Variants in FBXO28 observed in about 807,000 individuals in gnomAD.
The protein encoded by FBXO28 is F-box protein 28.
FBXO28 carries 8 observed loss-of-function variants against 38.1 expected under a neutral mutation model. The observed-to-expected ratio is 0.21, with a 90% CI of 0.12 to 0.38. The LOEUF is 0.38. FBXO28 is among the 10% of genes least tolerant of loss of function. FBXO28 has a pLI of 1.00. For missense variants in FBXO28, 345 were observed against 460.6 expected (o/e 0.75, Z 2.30); for synonymous variants, 168 against 173.8 (o/e 0.97, Z 0.26).
intron 2 of FBXO28, chr1:224,130,876 G>A (rs2102616925): frequency 4.4e-6 from 1 of 228,562 alleles, no homozygotes; most frequent in Non-Finnish European, 8.6e-6. Context: ...GATAAGGAGT[G>A]CACTAATTGA....
At chr1:224,150,296 G>T (rs1016776482) in intron 3 of FBXO28, among the ~76,000 whole-genome samples, 8 of 152,218 alleles carry the variant, frequency 5.3e-5, no homozygotes, top group African/African-American at 1.7e-4. Context: ...TTCCAGCCTG[G>T]GCAACAAGAG....
At chr1:224,151,931 A>G (rs1657657200) in intron 3 of FBXO28, among the ~76,000 whole-genome samples, 1 of 152,020 alleles carries the variant, frequency 6.6e-6, no homozygotes, top group African/African-American at 2.4e-5. Flanking sequence ...AATCCCAGCT[A>G]CTTGGGAGGC....
intron 3 of FBXO28, among the ~76,000 whole-genome samples, chr1:224,139,390 C>T (rs1020201988): frequency 3.3e-5 from 5 of 151,714 alleles, no homozygotes; most frequent in Non-Finnish European, 5.9e-5. Flanking sequence ...TCCCATATAG[C>T]TTATTTGCAA....
At chr1:224,131,401 C>CA (rs1657039114) in intron 2 of FBXO28, among the ~76,000 whole-genome samples, 1 of 152,050 alleles carries the variant, frequency 6.6e-6, no homozygotes, top group Admixed American at 6.6e-5. Context: ...TTGGAAGACT[C>CA]ACACTTCCCA....
At chr1:224,134,758 C>T (rs894681579) in intron 3 of FBXO28, among the ~76,000 whole-genome samples, 3 of 152,106 alleles carry the variant, frequency 2.0e-5, no homozygotes, top group East Asian at 3.8e-4. Flanking sequence ...ATAAAAACTC[C>T]AACATTCAAC....
At chr1:224,123,001 T>G (rs1482484410) in intron 1 of FBXO28, among the ~76,000 whole-genome samples, 2 of 152,086 alleles carry the variant, frequency 1.3e-5, no homozygotes, top group Non-Finnish European at 1.5e-5. Context: ...CCTGGATTCT[T>G]AGTTTCCCTT....
chr1:224,135,299 C>T (rs1657148442), intron 3 of FBXO28, among the ~76,000 whole-genome samples: 1 of 152,062 alleles, frequency 6.6e-6, no homozygotes, highest in Admixed American at 6.6e-5. Flanking sequence ...TTTCATATAG[C>T]ATCATAGTTT....
intron 3 of FBXO28, among the ~76,000 whole-genome samples, chr1:224,150,035 T>C (rs1436085264): frequency 6.6e-6 from 1 of 152,172 alleles, no homozygotes; most frequent in Non-Finnish European, 1.5e-5. Context: ...ATTTAAAAAT[T>C]ATGGAAGGCC....
chr1:224,155,679 CT>C (rs1445135954), intron 4 of FBXO28, among the ~76,000 whole-genome samples: 1 of 152,142 alleles, frequency 6.6e-6, no homozygotes, highest in Non-Finnish European at 1.5e-5. Context: ...AGTTAGCTCC[CT>C]GTAGTACTCA....
intron 1 of FBXO28, among the ~76,000 whole-genome samples, chr1:224,120,568 T>C (rs1656747838): frequency 1.3e-5 from 2 of 152,104 alleles, no homozygotes; most frequent in Admixed American, 6.6e-5. Context: ...ATAGAAAATA[T>C]ATGTCATTGT....
At chr1:224,157,305 A>G in intron 4 of FBXO28, 47 bp from the exon 5 acceptor site, 1 of 1,532,046 alleles carries the variant, frequency 6.5e-7, no homozygotes, top group Non-Finnish European at 8.8e-7. Flanking sequence ...TATTACTGGT[A>G]GAGAGACATT....
At chr1:224,119,368 A>G (rs1656721495) in intron 1 of FBXO28, among the ~76,000 whole-genome samples, 1 of 150,632 alleles carries the variant, frequency 6.6e-6, no homozygotes, top group South Asian at 2.1e-4. Flanking sequence ...CGATCTCCCG[A>G]CCTCATGATC....
intron 4 of FBXO28, among the ~76,000 whole-genome samples, chr1:224,154,518 C>T (rs948212375): frequency 6.0e-5 from 9 of 151,134 alleles, no homozygotes; most frequent in Non-Finnish European, 1.3e-4. Context: ...TAAAAAATAC[C>T]AAAAAATTGG....
rs768239483 is a variant in FBXO28 at position 224,157,614 on chromosome 1, A to G, written c.975A>G (p.Arg325=). The change falls in exon 5 of 5, where the codon CGA becomes CGG. Residue 325 remains arginine (R), a synonymous_variant. Transcript: ENST00000366862. ...ARLAELERKL[R]EVMESAVGNS... is the part of the protein sequence containing the mutation. ...TGGCAGAGCTAGAACGCAAACTACG[A>G]GAAGTAATGGAAAGTGCTGTAGGAA... The G allele has an allele frequency of 1.9e-5, 30 of 1,614,136 alleles. No homozygotes were observed. Among genetic ancestry groups the G allele is most frequent in the Non-Finnish European group, 5.9e-6 (7 of 1,180,060 alleles).
intron 1 of FBXO28, among the ~76,000 whole-genome samples, chr1:224,129,859 G>A (rs1439301231): frequency 9.2e-5 from 14 of 152,138 alleles, no homozygotes; most frequent in South Asian, 2.1e-4. Flanking sequence ...GCGTGGTGGC[G>A]GGCACCTGTA....
chr1:224,154,573 C>T (rs1286307556), intron 4 of FBXO28, among the ~76,000 whole-genome samples: 1 of 152,002 alleles, frequency 6.6e-6, no homozygotes, highest in African/African-American at 2.4e-5. Context: ...CTTTGGGAGG[C>T]CAAGGCGGGC....
rs1222241185 is a variant in FBXO28 at position 224,161,594 on chromosome 1, G to T, written c.*3848G>T. The T allele has an allele frequency of 6.6e-6, 1 of 152,182 alleles. No homozygotes were observed. The highest frequency in any genetic ancestry group is 1.5e-5 in the Non-Finnish European group (1 of 68,026). The allele number at this position is 152,182 out of a possible 1,614,324, so 9.4% of individuals were successfully genotyped here. On this transcript the variant is annotated 3_prime_UTR_variant, in exon 5 of 5. Coordinates refer to ENST00000366862, the MANE Select transcript of FBXO28 (RefSeq NM_015176.4). Reference sequence around the variant, plus strand: ...TATTTTCAAAAAATACTAAATCTATGAACTGAGACTAGCAATTAGTTGGCT... The same window carrying T: ...TATTTTCAAAAAATACTAAATCTATTAACTGAGACTAGCAATTAGTTGGCT...
intron 1 of FBXO28, among the ~76,000 whole-genome samples, chr1:224,127,994 C>T (rs1348197172): frequency 6.6e-6 from 1 of 152,096 alleles, no homozygotes; most frequent in Non-Finnish European, 1.5e-5. Context: ...GAACAGTTTT[C>T]CTTAATACCC....
At chr1:224,142,351 C>CAA (rs35716896) in intron 3 of FBXO28, among the ~76,000 whole-genome samples, 108 of 132,032 alleles carry the variant, frequency 8.2e-4, no homozygotes, top group African/African-American at 2.1e-3. Context: ...GACTCTGCCT[C>CAA]AAAAAAAAAA....
Sources: gnomAD v4.1 joint callset for allele counts (sites outside exome capture counted in the v4.1 genomes callset) on GRCh38, gnomAD v4.1.1 for gene constraint, MANE v1.5 for transcripts, NCBI Gene and HGNC (gene_info 2026-07-23, HGNC 2026-07-21) for gene names.